The following DNAJC1 variants were observed in gnomAD, a reference collection of about 807,000 sequenced individuals.
The protein encoded by DNAJC1 is dnaJ homolog subfamily C member 1.
In DNAJC1, 58 loss-of-function variants were observed where a neutral mutation model predicts 76.6. The observed-to-expected ratio is 0.76, with a 90% CI of 0.61 to 0.94. DNAJC1 has a LOEUF of 0.94. Ranked by LOEUF, DNAJC1 falls within the 40% of genes least tolerant of loss-of-function variation. The pLI, the probability that DNAJC1 is intolerant of heterozygous loss-of-function variation, is 0.00. For synonymous variants in DNAJC1, 258 were observed against 267.9 expected (o/e 0.96, Z 0.36); for missense variants, 689 against 677.3 (o/e 1.02, Z -0.19).
intron 8 of DNAJC1, among the ~76,000 whole-genome samples, chr10:21,833,822 A>T (rs1029866654): frequency 6.6e-6 from 1 of 152,186 alleles, no homozygotes; most frequent in Non-Finnish European, 1.5e-5. Flanking sequence ...GTTTTTTATT[A>T]AAAAAATTAC....
chr10:21,982,918 G>T (rs530820352), intron 1 of DNAJC1, among the ~76,000 whole-genome samples: 1 of 152,252 alleles, frequency 6.6e-6, no homozygotes, highest in East Asian at 1.9e-4. Context: ...AGCCAGGCAT[G>T]ATGGCGCACA....
rs1838561867 is a variant in DNAJC1 at position 22,003,484 on chromosome 10, G to C, written c.-50C>G. ...CGCCGCGCAGCTCCGTTGGCCGAGA[G>C]CTGGGACGTGGCGGGCGGCGCTGGC... On this transcript the variant is annotated 5_prime_UTR_variant, in exon 1 of 12. Coordinates refer to ENST00000376980, the MANE Select transcript of DNAJC1 (RefSeq NM_022365.4). The C allele has an allele frequency of 7.6e-7, 1 of 1,310,244 alleles. No individual in the cohort carries two copies. The highest frequency in any genetic ancestry group is 3.2e-5 in the East Asian group (1 of 31,572). The allele number at this position is 1,310,244 out of a possible 1,614,324, so 81.2% of individuals were successfully genotyped here. A position where few individuals can be genotyped will look rare whatever the true frequency, so the allele number is the denominator to read the frequency against.
chr10:22,000,603 A>G (rs1203062021), intron 1 of DNAJC1, among the ~76,000 whole-genome samples: 1 of 152,174 alleles, frequency 6.6e-6, no homozygotes, highest in African/African-American at 2.4e-5. Flanking sequence ...TCCTTCTACC[A>G]TGCTATGGTC....
chr10:21,904,407 GA>G (rs80315655), intron 7 of DNAJC1, 114 bp downstream of exon 7: 68,607 of 479,096 alleles, frequency 0.14, 12 homozygotes, highest in Middle Eastern at 0.17. Context: ...TAGGGAGTGG[GA>G]AAAAAAAAAA....
In DNAJC1 at chr10:21,891,907, C is replaced by T. The variant is rs558939572; in HGVS notation, c.821-9468G>A. On this transcript the variant is annotated intron_variant, in intron 7 of 11. Coordinates refer to ENST00000376980, the MANE Select transcript of DNAJC1 (RefSeq NM_022365.4). ...ACAAAAGAGTAAAAATATGAGTAAA[C>T]GCAATAGACTTTCCTCCTGCTCTTG... Among the ~76,000 whole-genome samples, 18 of 152,080 alleles carry T rather than the reference C, an allele frequency of 1.2e-4. No homozygotes were observed. The South Asian group carries it at 2.3e-3, about 19-fold the overall frequency.
intron 1 of DNAJC1, among the ~76,000 whole-genome samples, chr10:21,959,647 T>C (rs1375791259): frequency 6.6e-6 from 1 of 151,448 alleles, no homozygotes; most frequent in Non-Finnish European, 1.5e-5. Context: ...TGAGCTGAGC[T>C]TGGTGGCAGG....
intron 7 of DNAJC1, among the ~76,000 whole-genome samples, chr10:21,884,514 T>C (rs1836336061): frequency 6.6e-6 from 1 of 152,132 alleles, no homozygotes; most frequent in Non-Finnish European, 1.5e-5. Flanking sequence ...TCCATTAAAA[T>C]TAACATATAC....
chr10:21,988,733 C>T (rs578034655), intron 1 of DNAJC1, among the ~76,000 whole-genome samples: 6 of 152,144 alleles, frequency 3.9e-5, no homozygotes, highest in Admixed American at 1.3e-4. Context: ...ATGTTATTTA[C>T]CCCAGAAAGT....
intron 7 of DNAJC1, among the ~76,000 whole-genome samples, chr10:21,902,647 T>G (rs1836677908): frequency 6.6e-6 from 1 of 152,198 alleles, no homozygotes; most frequent in Non-Finnish European, 1.5e-5. Context: ...CATCAAACTC[T>G]TAAGCAGAAC....
chr10:21,959,238 C>A (rs1164074536), intron 1 of DNAJC1, among the ~76,000 whole-genome samples: 1 of 151,950 alleles, frequency 6.6e-6, no homozygotes, highest in South Asian at 2.1e-4. Context: ...AATTCTCTTG[C>A]CTTAGCCTCC....
chr10:21,782,546 T>C (rs1408197726), intron 9 of DNAJC1, among the ~76,000 whole-genome samples: 3 of 152,208 alleles, frequency 2.0e-5, no homozygotes, highest in Non-Finnish European at 4.4e-5. Flanking sequence ...CCCTAACTCA[T>C]TTTATGAGGC....
At chr10:21,866,001 G>A (rs1048881632) in intron 8 of DNAJC1, 10 of 152,126 alleles carry the variant, frequency 6.6e-5, no homozygotes, top group African/African-American at 1.9e-4. Flanking sequence ...TGGGTGTGGT[G>A]GCGCATGCCT....
chr10:21,960,422 A>G (rs1176144058), intron 1 of DNAJC1, among the ~76,000 whole-genome samples: 1 of 152,194 alleles, frequency 6.6e-6, no homozygotes, highest in Non-Finnish European at 1.5e-5. Context: ...AAAGGAAACA[A>G]TCAAGAAAGT....
At chr10:21,988,711 A>T (rs1455900852) in intron 1 of DNAJC1, among the ~76,000 whole-genome samples, 2 of 152,194 alleles carry the variant, frequency 1.3e-5, no homozygotes, top group Admixed American at 1.3e-4. Context: ...AAGACTGATT[A>T]TAAGAAAACA....
chr10:21,936,079 A>T (rs2131789164), intron 1 of DNAJC1, among the ~76,000 whole-genome samples: 1 of 152,318 alleles, frequency 6.6e-6, no homozygotes, highest in Admixed American at 6.5e-5. Context: ...TCATGTGTTG[A>T]AATCTAATCC....
intron 8 of DNAJC1, among the ~76,000 whole-genome samples, chr10:21,830,961 T>G (rs1835348465): frequency 6.6e-6 from 1 of 152,226 alleles, no homozygotes; most frequent in Non-Finnish European, 1.5e-5. Flanking sequence ...TCTTTAATCA[T>G]TATAGAAATG....
intron 3 of DNAJC1, among the ~76,000 whole-genome samples, chr10:21,926,937 C>T (rs1379897294): frequency 6.6e-6 from 1 of 152,020 alleles, no homozygotes; most frequent in Non-Finnish European, 1.5e-5. Flanking sequence ...ATTTTGGTAA[C>T]TGAAAGAAAT....
At chr10:21,782,721 T>C (rs985336313) in intron 9 of DNAJC1, among the ~76,000 whole-genome samples, 1 of 152,184 alleles carries the variant, frequency 6.6e-6, no homozygotes, top group Non-Finnish European at 1.5e-5. Context: ...GTGGGCTTCA[T>C]CCCTGGGATG....
chr10:21,825,947 C>T lies in DNAJC1; in HGVS notation c.979-19848G>A, dbSNP rs148751931. 4.3e-4 allele frequency among the ~76,000 whole-genome samples: 66 copies of T among 152,164 alleles called. 2 individuals carry two copies. Among genetic ancestry groups the T allele is most frequent in the Admixed American group, 4.3e-3 (65 of 15,280 alleles). ...CCCTTATCAGATAGATGATAGAAAA[C>T]ATATCGACCAGCTGCAGTGTGGCTC... On this transcript the variant is annotated intron_variant, in intron 8 of 11. Transcript: ENST00000376980.
Sources: gnomAD v4.1 joint callset for allele counts (sites outside exome capture counted in the v4.1 genomes callset) on GRCh38, gnomAD v4.1.1 for gene constraint, MANE v1.5 for transcripts, NCBI Gene and HGNC (gene_info 2026-07-23, HGNC 2026-07-21) for gene names.